Variants in DCUN1D5 observed in about 807,000 individuals in gnomAD.
DCUN1D5 encodes DCN1-like protein 5.
In DCUN1D5, 10 loss-of-function variants were observed where a neutral mutation model predicts 38.3. The ratio of observed to expected loss-of-function variants is 0.26; its 90% CI spans 0.16 to 0.44. The LOEUF (loss-of-function observed/expected upper bound fraction) is 0.44, where lower values mean the gene tolerates loss of function less well. Ranked by LOEUF, DCUN1D5 falls within the 20% of genes least tolerant of loss-of-function variation. The pLI, the probability that DCUN1D5 is intolerant of heterozygous loss-of-function variation, is 1.00. For missense variants in DCUN1D5, 148 were observed against 275.3 expected, an observed-to-expected ratio of 0.54 and a Z score of 3.27; for synonymous variants, 93 against 90.9, an observed-to-expected ratio of 1.02 and a Z score of -0.13.
rs1282589923 is a variant in DCUN1D5 at position 103,063,114 on chromosome 11, A to G, written c.659-700T>C. Among the ~76,000 whole-genome samples, 1 of 152,066 alleles carries G rather than the reference A, an allele frequency of 6.6e-6. No individual in the cohort carries two copies. The highest frequency in any genetic ancestry group is 1.5e-5 in the Non-Finnish European group (1 of 67,952). On this transcript the variant is annotated intron_variant, in intron 7 of 7. Transcript: ENST00000260247. This position sits in a 1 kb window ranked among gnomAD's most constrained non-coding sequence, Gnocchi z 4.6. ...TTGCTTTTGACAGACATGTTTCTCT[A>G]TCGTAAGAAAAGCAGCAGAGCACAT...
At position 103,086,982 on chromosome 11, in the gene DCUN1D5, T is replaced by C. The variant is rs1862726194; in HGVS notation, c.178+2245A>G. On this transcript the variant is annotated intron_variant, in intron 2 of 7. Coordinates refer to ENST00000260247, the MANE Select transcript of DCUN1D5 (RefSeq NM_032299.4). This position sits in a 1 kb window ranked among gnomAD's most constrained non-coding sequence, Gnocchi z 4.1. ...GTTTGAATCCTGGCTCTTGTCACTA[T>C]ATGATCTTGGGCAAATTAATTAATC... is the stretch of plus-strand genomic sequence containing the variant. Among the ~76,000 whole-genome samples the C allele has an allele frequency of 6.6e-6, 1 of 151,888 alleles. No homozygotes were observed. The highest frequency in any genetic ancestry group is 6.6e-5 in the Admixed American group (1 of 15,258).
chr11:103,075,698 T>A (rs1862392558), intron 4 of DCUN1D5, among the ~76,000 whole-genome samples: 1 of 152,130 alleles, frequency 6.6e-6, no homozygotes, highest in Admixed American at 6.5e-5. Flanking sequence ...TTATATGTTA[T>A]CCAGCATTTA....
chr11:103,066,290 T>C lies in DCUN1D5; in HGVS notation c.534A>G (p.Ser178=), dbSNP rs772641611. ...LLLGRTWPLF[S]VFYQYLEQSK... is the part of the protein sequence containing the mutation. ...GTACCTCCAGGTACTGGTAAAATAC[T>C]GAAAACAGTGGCCATGTCCTCCCAA... The change falls in exon 6 of 8, where the codon TCA becomes TCG. Residue 178 remains serine (S), a synonymous_variant. Coordinates refer to ENST00000260247, the MANE Select transcript of DCUN1D5 (RefSeq NM_032299.4). This position sits in a 1 kb window ranked among gnomAD's most constrained non-coding sequence, Gnocchi z 4.7. The C allele has an allele frequency of 1.2e-6, 2 of 1,604,890 alleles. No homozygotes were observed. Among genetic ancestry groups the C allele is most frequent in the East Asian group, 2.2e-5 (1 of 44,580 alleles).
intron 1 of DCUN1D5, 109 bp from the exon 2 acceptor site, chr11:103,089,427 T>TTC (rs1555031439): frequency 1.2e-4 from 117 of 966,256 alleles, no homozygotes; most frequent in Middle Eastern, 2.3e-4. Context: ...GTTTTTTTTT[T>TTC]CTTCGGTTGG....
chr11:103,079,843 A>C (rs1433417499), intron 4 of DCUN1D5: 1 of 152,286 alleles, frequency 6.6e-6, no homozygotes, highest in African/African-American at 2.4e-5. Flanking sequence ...TTATTAAACA[A>C]AGATGAAAAC....
chr11:103,058,977 T>A lies in DCUN1D5; in HGVS notation c.*3382A>T, dbSNP rs200649329. On this transcript the variant is annotated 3_prime_UTR_variant, in exon 8 of 8. Coordinates refer to ENST00000260247, the MANE Select transcript of DCUN1D5 (RefSeq NM_032299.4). ...GCATTTAGTTTTCCTTTTTTTTTTT[T>A]ATTAAAATGCCCTCAATTTATTTGA... Among the ~76,000 whole-genome samples, 5 of 150,812 alleles carry A rather than the reference T, an allele frequency of 3.3e-5. No individual in the cohort carries two copies. Among genetic ancestry groups the A allele is most frequent in the East Asian group, 2.0e-4 (1 of 5,128 alleles).
intron 4 of DCUN1D5, among the ~76,000 whole-genome samples, chr11:103,072,217 G>A (rs1459805245): frequency 2.0e-5 from 3 of 151,934 alleles, no homozygotes; most frequent in Non-Finnish European, 4.4e-5. Flanking sequence ...CATGTAATAA[G>A]TCAAAAAAAA....
Position 103,064,406 on chromosome 11 carries a change from T to A in DCUN1D5, c.556-29A>T. On this transcript the variant is annotated intron_variant, in intron 6 of 7. Transcript: ENST00000260247. The surrounding 1 kb of genome is among the most constrained non-coding windows in gnomAD (Gnocchi z 4.5). ...CAAAAATGATTTAAATATTTGTATT[T>A]AAATATTTAAACAAACATCATTTAC... 2 of 1,491,640 alleles carry A rather than the reference T, an allele frequency of 1.3e-6. No individual in the cohort carries two copies. Among genetic ancestry groups the A allele is most frequent in the Non-Finnish European group, 9.1e-7 (1 of 1,093,998 alleles). The allele number at this position is 1,491,640 out of a possible 1,614,324, so 92.4% of individuals were successfully genotyped here. A position where few individuals can be genotyped will look rare whatever the true frequency, so the allele number is the denominator to read the frequency against.
At chr11:103,074,765 C>T (rs1236583961) in intron 4 of DCUN1D5, among the ~76,000 whole-genome samples, 2 of 152,116 alleles carry the variant, frequency 1.3e-5, no homozygotes, top group East Asian at 3.8e-4. Flanking sequence ...ATATCTGAGA[C>T]CATTCTCTTT....
rs141012503 is a variant in DCUN1D5, at chr11:103,061,597, C to CA, written c.*761dup. ...TATCACAGCTAACGTTCTCTTAAGG[C>CA]AAAAAAAAAAAAAAAAAGTGCTTTA... On this transcript the variant is annotated 3_prime_UTR_variant, in exon 8 of 8. Transcript: ENST00000260247. 0.086 allele frequency among the ~76,000 whole-genome samples: 8,232 copies of CA among 95,362 alleles called. 635 individuals carry two copies. The highest frequency in any genetic ancestry group is 0.24 in the African/African-American group (6,871 of 28,352). The allele number at this position is 95,362 out of a possible 152,430, so 62.6% of individuals were successfully genotyped here. A position where few individuals can be genotyped will look rare whatever the true frequency, so the allele number is the denominator to read the frequency against.
At chr11:103,089,575 G>A (rs1363791441) in intron 1 of DCUN1D5, among the ~76,000 whole-genome samples, 5 of 151,980 alleles carry the variant, frequency 3.3e-5, no homozygotes, top group South Asian at 2.1e-4. Context: ...AGTTATTTCC[G>A]CACATTTTAA....
In DCUN1D5 at chr11:103,051,644, G is replaced by A. The variant is rs1245652572; in HGVS notation, c.*10715C>T. The A allele has an allele frequency of 6.6e-6, 1 of 152,000 alleles. No individual in the cohort carries two copies. The highest frequency in any genetic ancestry group is 1.5e-5 in the Non-Finnish European group (1 of 68,016). The allele number at this position is 152,000 out of a possible 1,614,324, so 9.4% of individuals were successfully genotyped here. A position where few individuals can be genotyped will look rare whatever the true frequency, so the allele number is the denominator to read the frequency against. The stretch of plus-strand genomic sequence containing the variant: ...ATATTTGGAACCCACTACATTCAAA[G>A]CATAGCATTAGGTTTTACTTAGCAT... On this transcript the variant is annotated 3_prime_UTR_variant, in exon 8 of 8. Coordinates refer to ENST00000260247, the MANE Select transcript of DCUN1D5 (RefSeq NM_032299.4).
Position 103,092,010 on chromosome 11 carries a change from G to A in DCUN1D5, c.-138C>T. 5.5e-6 allele frequency: 4 copies of A among 730,600 alleles called. No homozygotes were observed. Among genetic ancestry groups the A allele is most frequent in the African/African-American group, 1.8e-5 (1 of 56,144 alleles). The allele number at this position is 730,600 out of a possible 1,614,324, so 45.3% of individuals were successfully genotyped here. A position where few individuals can be genotyped will look rare whatever the true frequency, so the allele number is the denominator to read the frequency against. ...CAGAGTCGCCAGCCCGCACCGGCGC[G>A]GCCCAGCCCGGCCGCCGCCCGCTCC... On this transcript the variant is annotated 5_prime_UTR_variant, in exon 1 of 8. Coordinates refer to ENST00000260247, the MANE Select transcript of DCUN1D5 (RefSeq NM_032299.4).
chr11:103,072,359 G>C (rs1469663731), intron 4 of DCUN1D5, among the ~76,000 whole-genome samples: 1 of 151,724 alleles, frequency 6.6e-6, no homozygotes, highest in Non-Finnish European at 1.5e-5. Flanking sequence ...TCTAGATCTA[G>C]ATCTAGAACT....
intron 4 of DCUN1D5, among the ~76,000 whole-genome samples, chr11:103,074,726 C>T (rs1173332321): frequency 1.3e-5 from 2 of 152,058 alleles, no homozygotes; most frequent in East Asian, 1.9e-4. Flanking sequence ...CTGTTTTTCA[C>T]TTTCAGAAAT....
rs1049771734 is a variant in DCUN1D5, at chr11:103,086,299, C to A, written c.178+2928G>T. 1.3e-5 allele frequency among the ~76,000 whole-genome samples: 2 copies of A among 152,156 alleles called. No homozygotes were observed. The highest frequency in any genetic ancestry group is 2.4e-5 in the African/African-American group (1 of 41,414). ...TAAATCTGATGCTGTAATGCTATTA[C>A]TGTTTTAATAATAATAACATTTGAG... On this transcript the variant is annotated intron_variant, in intron 2 of 7. Coordinates refer to ENST00000260247, the MANE Select transcript of DCUN1D5 (RefSeq NM_032299.4). This position sits in a 1 kb window ranked among gnomAD's most constrained non-coding sequence, Gnocchi z 4.1.
Position 103,083,854 on chromosome 11 carries a change from T to C in DCUN1D5, c.179-528A>G, listed in dbSNP as rs1200215095. ...GAAAAAGACAAAGGTATTTTGAAAA[T>C]AATGACTTATGGAAATTACTACATT... On this transcript the variant is annotated intron_variant, in intron 2 of 7. Transcript: ENST00000260247. This position sits in a 1 kb window ranked among gnomAD's most constrained non-coding sequence, Gnocchi z 4.4. Among the ~76,000 whole-genome samples, 2 of 152,118 alleles carry C rather than the reference T, an allele frequency of 1.3e-5. No homozygotes were observed. Among genetic ancestry groups the C allele is most frequent in the Non-Finnish European group, 2.9e-5 (2 of 67,984 alleles).
chr11:103,059,673 ACT>A lies in DCUN1D5; in HGVS notation c.*2684_*2685del, dbSNP rs909030356. Among the ~76,000 whole-genome samples the A allele has an allele frequency of 2.8e-5, 4 of 143,458 alleles. No homozygotes were observed. Among genetic ancestry groups the A allele is most frequent in the South Asian group, 2.2e-4 (1 of 4,518 alleles). 94.1% of individuals were successfully genotyped at this position (143,458 alleles called of 152,430 possible). A position where few individuals can be genotyped will look rare whatever the true frequency, so the allele number is the denominator to read the frequency against. On this transcript the variant is annotated 3_prime_UTR_variant, in exon 8 of 8. Coordinates refer to ENST00000260247, the MANE Select transcript of DCUN1D5 (RefSeq NM_032299.4). ...ACACAATACACCGTTTTCATCACAC[ACT>A]GTCACCTGAATCCCTGGCAATTTCC...
intron 4 of DCUN1D5, among the ~76,000 whole-genome samples, chr11:103,075,879 T>C (rs1862396165): frequency 6.6e-6 from 1 of 152,238 alleles, no homozygotes; most frequent in Non-Finnish European, 1.5e-5. Flanking sequence ...ATTCATTACC[T>C]ACTATTTCAC....
Sources: allele counts gnomAD v4.1 joint callset (sites outside exome capture counted in the v4.1 genomes callset), GRCh38; gene constraint gnomAD v4.1.1; non-coding constraint Gnocchi (gnomAD v3.1); transcripts MANE v1.5; gene names NCBI Gene and HGNC (gene_info 2026-07-23, HGNC 2026-07-21).